Variants in GAREM1 observed in about 807,000 individuals in gnomAD.
The protein encoded by GAREM1 is GRB2-associated and regulator of MAPK protein 1.
A neutral mutation model predicts 71.3 loss-of-function variants in GAREM1; 26 were observed. That is an observed-to-expected ratio of 0.36 (90% confidence interval 0.27 to 0.51). The LOEUF (loss-of-function observed/expected upper bound fraction) is 0.51. Among genes scored for constraint, GAREM1 ranks in the 20% least tolerant of loss-of-function variants. The pLI is 0.95. For synonymous variants in GAREM1, 440 were observed against 433.2 expected (o/e 1.02, Z -0.20); for missense variants, 1,026 against 1,103.1 (o/e 0.93, Z 0.99).
In GAREM1 at chr18:32,309,589, C is replaced by T. The variant is rs181685135; in HGVS notation, c.393+604G>A. On this transcript the variant is annotated intron_variant, in intron 3 of 5. Coordinates refer to ENST00000269209, the MANE Select transcript of GAREM1 (RefSeq NM_001242409.2). ...CGAGATCGCGCCACTGTACTCCAGC[C>T]TGGGTGACAGAGCAAGACTCAGTCT... 2.6e-4 allele frequency among the ~76,000 whole-genome samples: 31 copies of T among 119,138 alleles called. No homozygotes were observed. In the East Asian group the frequency reaches 5.0e-3, roughly 19 times the overall value. 78.2% of individuals were successfully genotyped at this position (119,138 alleles called of 152,430 possible).
At chr18:32,371,574 G>A (rs953723860) in intron 2 of GAREM1, among the ~76,000 whole-genome samples, 6 of 152,164 alleles carry the variant, frequency 3.9e-5, no homozygotes, top group African/African-American at 1.4e-4. Flanking sequence ...TCTGGCTTGG[G>A]TAGGGATACC....
chr18:32,464,905 CAG>C lies in GAREM1; in HGVS notation c.121+5401_121+5402del, dbSNP rs1335340293. 4.6e-5 allele frequency among the ~76,000 whole-genome samples: 7 copies of C among 152,320 alleles called. No individual in the cohort carries two copies. In the East Asian group the frequency reaches 7.7e-4, roughly 17 times the overall value. On this transcript the variant is annotated intron_variant, in intron 1 of 5. Coordinates refer to ENST00000269209, the MANE Select transcript of GAREM1 (RefSeq NM_001242409.2). ...AGTGCTATAGTCCCAACACCTGTAA[CAG>C]GGCTTGTCACATAGCAGGGGCTTAG... is the stretch of plus-strand genomic sequence containing the variant.
intron 2 of GAREM1, among the ~76,000 whole-genome samples, chr18:32,315,992 A>G (rs1223088209): frequency 6.6e-6 from 1 of 152,110 alleles, no homozygotes; most frequent in African/African-American, 2.4e-5. Flanking sequence ...GTGATCTTGT[A>G]CTATCAGTAG....
At chr18:32,283,424 G>C (rs1348429376) in intron 4 of GAREM1, among the ~76,000 whole-genome samples, 10 of 152,076 alleles carry the variant, frequency 6.6e-5, no homozygotes, top group Non-Finnish European at 1.3e-4. Context: ...GCGCATGCCT[G>C]TAATCCCAGC....
In GAREM1 at chr18:32,299,378, G is replaced by C. The variant is rs184673030; in HGVS notation, c.393+10815C>G. Reference sequence around the variant, plus strand: ...AAATACAAAAAATTAGCCGGGTGTGGCGGTGTGCGCCTGTTGTCCCAGCTG... The same window carrying C: ...AAATACAAAAAATTAGCCGGGTGTGCCGGTGTGCGCCTGTTGTCCCAGCTG... On this transcript the variant is annotated intron_variant, in intron 3 of 5. Transcript: ENST00000269209. 2.9e-3 allele frequency among the ~76,000 whole-genome samples: 446 copies of C among 151,940 alleles called. 4 individuals carry two copies. The highest frequency in any genetic ancestry group is 0.01 in the African/African-American group (432 of 41,432).
chr18:32,412,641 T>G (rs2048431709), intron 1 of GAREM1: 9 of 1,445,808 alleles, frequency 6.2e-6, no homozygotes, highest in Non-Finnish European at 8.6e-6. Flanking sequence ...TGACAGGGCT[T>G]TTCTAACTTC....
rs765727619 is a variant in GAREM1, at chr18:32,309,277, G to C, written c.393+916C>G. On this transcript the variant is annotated intron_variant, in intron 3 of 5. Coordinates refer to ENST00000269209, the MANE Select transcript of GAREM1 (RefSeq NM_001242409.2). ...CTCTTCAACAGCAAGTCTAGTCAAA[G>C]GACCTCGGTCAACATCTGGACAAGG... 2.9e-4 allele frequency among the ~76,000 whole-genome samples: 43 copies of C among 149,546 alleles called. 3 individuals carry two copies. Among genetic ancestry groups the C allele is most frequent in the African/African-American group, 1.0e-3 (41 of 40,228 alleles).
At chr18:32,391,078 T>C (rs1051158350) in intron 2 of GAREM1, among the ~76,000 whole-genome samples, 2 of 152,106 alleles carry the variant, frequency 1.3e-5, no homozygotes, top group East Asian at 3.8e-4. Flanking sequence ...GAAAAGGTAA[T>C]TGAATGAAGA....
chr18:32,455,818 G>A (rs1056240754), intron 1 of GAREM1, among the ~76,000 whole-genome samples: 1 of 152,070 alleles, frequency 6.6e-6, no homozygotes, highest in Admixed American at 6.6e-5. Flanking sequence ...TTAACTTTAT[G>A]TGTTCTTGGA....
chr18:32,428,549 T>C (rs955351921), intron 1 of GAREM1, among the ~76,000 whole-genome samples: 1 of 152,176 alleles, frequency 6.6e-6, no homozygotes, highest in Non-Finnish European at 1.5e-5. Flanking sequence ...GGTACCTCAC[T>C]ACCCTTTGCC....
intron 1 of GAREM1, among the ~76,000 whole-genome samples, chr18:32,462,773 T>C (rs565538840): frequency 8.5e-5 from 13 of 152,318 alleles, no homozygotes; most frequent in Admixed American, 8.5e-4. Context: ...TTAATCCATT[T>C]TGAGTTGATT....
intron 1 of GAREM1, among the ~76,000 whole-genome samples, chr18:32,452,896 G>A (rs1230011743): frequency 6.6e-6 from 1 of 151,532 alleles, no homozygotes; most frequent in Non-Finnish European, 1.5e-5. Flanking sequence ...TAACTATAGG[G>A]TAGCAAAACT....
At chr18:32,396,298 A>C (rs1228864788) in intron 1 of GAREM1, among the ~76,000 whole-genome samples, 1 of 152,238 alleles carries the variant, frequency 6.6e-6, no homozygotes, top group Non-Finnish European at 1.5e-5. Flanking sequence ...CAGCAATGGA[A>C]CAAAGGTGGA....
chr18:32,455,815 T>A (rs907328872), intron 1 of GAREM1, among the ~76,000 whole-genome samples: 4 of 152,176 alleles, frequency 2.6e-5, no homozygotes, highest in African/African-American at 9.6e-5. Flanking sequence ...TCATTAACTT[T>A]ATGTGTTCTT....
intron 2 of GAREM1, among the ~76,000 whole-genome samples, chr18:32,364,022 A>G (rs1438189881): frequency 2.7e-4 from 14 of 52,072 alleles, no homozygotes; most frequent in African/African-American, 8.7e-4. Flanking sequence ...ATATATATAT[A>G]TATATGTTTT....
intron 2 of GAREM1, among the ~76,000 whole-genome samples, chr18:32,334,081 A>G (rs2047564728): frequency 6.6e-6 from 1 of 152,232 alleles, no homozygotes; most frequent in Non-Finnish European, 1.5e-5. Flanking sequence ...GCAGTCGGAA[A>G]GAAGCTGGTG....
At position 32,363,995 on chromosome 18, in the gene GAREM1, CATATATATAT is replaced by C. The variant is rs766095412; in HGVS notation, c.262+28890_262+28899del. On this transcript the variant is annotated intron_variant, in intron 2 of 5. Transcript: ENST00000269209. ...ACACAAATACATAAATACATATATA[CATATATATAT>C]ATATATATATATATATATATATGTT... Among the ~76,000 whole-genome samples the C allele has an allele frequency of 3.3e-3, 71 of 21,332 alleles. 1 individual carries two copies. The highest frequency in any genetic ancestry group is 0.12 in the Middle Eastern group (1 of 8). 14.0% of individuals were successfully genotyped at this position (21,332 alleles called of 152,430 possible).
At chr18:32,462,544 C>T (rs1235092858) in intron 1 of GAREM1, among the ~76,000 whole-genome samples, 2 of 152,174 alleles carry the variant, frequency 1.3e-5, no homozygotes, top group African/African-American at 4.8e-5. Context: ...CAAATATTTT[C>T]TCCTATTCTG....
Position 32,275,873 on chromosome 18 carries a change from T to TC in GAREM1, c.1567-5491dup, listed in dbSNP as rs202014774. Reference sequence around the variant, plus strand: ...TTGTATTTTTAGTAGAGATGGGGTTTCTCCATGTTGAGGCTGGTCTCAGAC... The same window carrying TC: ...TTGTATTTTTAGTAGAGATGGGGTTTCCTCCATGTTGAGGCTGGTCTCAGAC... On this transcript the variant is annotated intron_variant, in intron 4 of 5. Coordinates refer to ENST00000269209, the MANE Select transcript of GAREM1 (RefSeq NM_001242409.2). Among the ~76,000 whole-genome samples the TC allele has an allele frequency of 9.6e-3, 1,461 of 152,298 alleles. 27 individuals are homozygous for TC. The highest frequency in any genetic ancestry group is 0.032 in the African/African-American group (1,314 of 41,574).
Sources: gnomAD v4.1 joint callset for allele counts (sites outside exome capture counted in the v4.1 genomes callset) on GRCh38, gnomAD v4.1.1 for gene constraint, MANE v1.5 for transcripts, NCBI Gene and HGNC (gene_info 2026-07-23, HGNC 2026-07-21) for gene names.